The following CLCNKA variants were observed in gnomAD, a reference collection of about 807,000 sequenced individuals.
CLCNKA encodes chloride channel protein ClC-Ka.
A neutral mutation model predicts 83.3 loss-of-function variants in CLCNKA; 66 were observed. The ratio of observed to expected loss-of-function variants is 0.79; its 90% confidence interval spans 0.65 to 0.97. CLCNKA has a LOEUF of 0.97. Among genes scored for constraint, CLCNKA ranks in the 50% least tolerant of loss-of-function variants. The pLI is 0.00. For missense variants in CLCNKA, 806 were observed against 888.7 expected (o/e 0.91, Z 1.18); for synonymous variants, 357 against 370.4 (o/e 0.96, Z 0.42).
intron 10 of CLCNKA, 77 bp downstream of exon 10, chr1:16,028,196 C>T (rs567160606): frequency 2.2e-6 from 3 of 1,357,324 alleles, no homozygotes; most frequent in Admixed American, 3.5e-5. Flanking sequence ...AAAGCCCCAC[C>T]CCCATCCTCC....
intron 16 of CLCNKA, 53 bp from the exon 17 acceptor site, chr1:16,032,150 C>A: frequency 3.2e-6 from 5 of 1,539,810 alleles, no homozygotes; most frequent in Non-Finnish European, 3.6e-6. Context: ...GCTTGGCCCT[C>A]AGGCCTGTTT....
chr1:16,027,958 C>T, intron 9 of CLCNKA, 53 bp downstream of exon 9: 1 of 1,614,064 alleles, frequency 6.2e-7, no homozygotes, highest in South Asian at 1.1e-5. Flanking sequence ...CCCCCAAGGC[C>T]TGGACTGCGG....
At chr1:16,028,562 G>A in intron 10 of CLCNKA, 199 bp from the exon 11 acceptor site, 4 of 718,384 alleles carry the variant, frequency 5.6e-6, no homozygotes, top group Non-Finnish European at 1.0e-5. Flanking sequence ...GTCATACCCA[G>A]TTGAGGGGCT....
Position 16,033,157 on chromosome 1 carries a change from A to G in CLCNKA, c.1930-13A>G, listed in dbSNP as rs1395898327. ...ATCTACCCTCCAGTGTTTCCTAACA[A>G]TCCCCCATCCAGGCACAAAACCTCT... On this transcript the variant is annotated splice_polypyrimidine_tract_variant and intron_variant, in intron 18 of 19. Transcript: ENST00000331433. 1.9e-6 allele frequency: 3 copies of G among 1,613,706 alleles called. No individual in the cohort carries two copies. Among genetic ancestry groups the G allele is most frequent in the Non-Finnish European group, 2.5e-6 (3 of 1,179,780 alleles).
intron 11 of CLCNKA, 108 bp from the exon 12 acceptor site, chr1:16,029,018 G>A: frequency 1.9e-6 from 3 of 1,543,822 alleles, no homozygotes; most frequent in Non-Finnish European, 1.8e-6. Context: ...GCCCCCCGCT[G>A]GGAAGTGGCA....
In CLCNKA at chr1:16,028,781, T is replaced by A; in HGVS notation, c.989T>A (p.Leu330Gln). 6.2e-7 allele frequency: 1 copy of A among 1,614,160 alleles called. No homozygotes were observed. Among genetic ancestry groups the A allele is most frequent in the Non-Finnish European group, 8.5e-7 (1 of 1,180,024 alleles). Residue 330 changes from leucine to glutamine, a missense_variant, in exon 11 of 20, where the codon CTG (leucine) becomes CAG (glutamine). Transcript: ENST00000331433. ...LATSKPVYSA[L>Q]ATLLLASITY... is the part of the protein sequence containing the mutation. ...CACAGCAAGCCTGTGTACTCCGCTCTGGCCACCTTGCTTCTCGCCTCCATC... is the reference window on the plus strand; with the variant it reads ...CACAGCAAGCCTGTGTACTCCGCTCAGGCCACCTTGCTTCTCGCCTCCATC...
chr1:16,028,663 G>T, intron 10 of CLCNKA, 98 bp from the exon 11 acceptor site: 1 of 1,446,280 alleles, frequency 6.9e-7, no homozygotes, highest in Non-Finnish European at 9.7e-7. Flanking sequence ...CAGCCCCCAG[G>T]TGGGGAGCTC....
chr1:16,027,230 G>A (rs1306106775), intron 7 of CLCNKA, 80 bp from the exon 8 acceptor site: 2 of 1,587,036 alleles, frequency 1.3e-6, no homozygotes, highest in Non-Finnish European at 1.7e-6. Flanking sequence ...GGCTCAGGGA[G>A]GAGGCGAGAT....
At chr1:16,025,112 T>C (rs2022296882) in intron 4 of CLCNKA, among the ~76,000 whole-genome samples, 1 of 152,212 alleles carries the variant, frequency 6.6e-6, no homozygotes. Context: ...GATTGCCCTG[T>C]GGGGCCTGTG....
intron 14 of CLCNKA, 105 bp downstream of exon 14, chr1:16,030,180 C>G (rs1278531573): frequency 6.0e-6 from 5 of 828,056 alleles, no homozygotes; most frequent in Non-Finnish European, 9.9e-6. Flanking sequence ...ACTGAGTCCT[C>G]CAGTGAACCC....
At position 16,033,820 on chromosome 1, in the gene CLCNKA, C is replaced by T; in HGVS notation, c.*162C>T. On this transcript the variant is annotated 3_prime_UTR_variant, in exon 20 of 20. Coordinates refer to ENST00000331433, the MANE Select transcript of CLCNKA (RefSeq NM_004070.4). ...TAACCTAGCCCAGAAGAGGATGGCT[C>T]ATCCTGGGTGGGACGATGGCTCCTG... 1.3e-6 allele frequency: 1 copy of T among 769,216 alleles called. No homozygotes were observed. The highest frequency in any genetic ancestry group is 2.3e-6 in the Non-Finnish European group (1 of 439,958). 47.6% of individuals were successfully genotyped at this position (769,216 alleles called of 1,614,324 possible).
intron 15 of CLCNKA, 79 bp from the exon 16 acceptor site, chr1:16,031,631 A>G: frequency 6.2e-7 from 1 of 1,604,154 alleles, no homozygotes. Flanking sequence ...GTTCAAGCAA[A>G]GCTCCCCTCA....
intron 8 of CLCNKA, 93 bp downstream of exon 8, chr1:16,027,528 C>T (rs969268165): frequency 2.7e-5 from 43 of 1,564,630 alleles, no homozygotes; most frequent in Admixed American, 5.6e-5. Flanking sequence ...TTGCTCTTCC[C>T]TTCCCTCTCT....
chr1:16,025,282 C>G (rs1314942522), intron 4 of CLCNKA, among the ~76,000 whole-genome samples: 1 of 152,206 alleles, frequency 6.6e-6, no homozygotes, highest in Non-Finnish European at 1.5e-5. Flanking sequence ...TCTGCCAGTC[C>G]CAGTGGGAGG....
In CLCNKA at chr1:16,029,803, G is replaced by C; in HGVS notation, c.1297+3G>C. The C allele has an allele frequency of 6.2e-7, 1 of 1,614,150 alleles. No homozygotes were observed. The highest frequency in any genetic ancestry group is 2.2e-5 in the East Asian group (1 of 44,864). On this transcript the variant is annotated splice_donor_region_variant and intron_variant, in intron 13 of 19. Transcript: ENST00000331433. ...CTTCATGCCCATCTTTATCCTTGGT[G>C]AGTCTGGGGTCCTGAGGTTCTGAGA...
chr1:16,031,863 G>T lies in CLCNKA; in HGVS notation c.1756+20G>T. ...GCACAGGTGCCCAGCTGGAAGGGAG[G>T]AGGAAGTCGGGGGTAGGGGATGCCC... On this transcript the variant is annotated intron_variant, in intron 16 of 19. Transcript: ENST00000331433. 6.2e-7 allele frequency: 1 copy of T among 1,613,590 alleles called. No individual in the cohort carries two copies. Among genetic ancestry groups the T allele is most frequent in the Non-Finnish European group, 8.5e-7 (1 of 1,180,020 alleles).
chr1:16,028,142 G>T, intron 10 of CLCNKA, 23 bp downstream of exon 10: 1 of 1,607,510 alleles, frequency 6.2e-7, no homozygotes, highest in Non-Finnish European at 8.5e-7. Context: ...CTAGGGGCTG[G>T]GGACATCTCA....
intron 10 of CLCNKA, 76 bp downstream of exon 10, chr1:16,028,195 C>A: frequency 1.6e-5 from 22 of 1,352,160 alleles, no homozygotes; most frequent in Non-Finnish European, 2.1e-5. Flanking sequence ...GAAAGCCCCA[C>A]CCCCATCCTC....
chr1:16,023,839 G>A lies in CLCNKA; in HGVS notation c.140G>A (p.Gly47Glu), dbSNP rs545282688. The A allele has an allele frequency of 5.6e-6, 9 of 1,614,212 alleles. No individual in the cohort carries two copies. Among genetic ancestry groups the A allele is most frequent in the African/African-American group, 5.3e-5 (4 of 75,070 alleles). The change falls in exon 3 of 20, where the codon GGA becomes GAA. Residue 47 changes from glycine to glutamate, a missense_variant. Coordinates refer to ENST00000331433, the MANE Select transcript of CLCNKA (RefSeq NM_004070.4). The stretch of plus-strand genomic sequence containing the variant: ...CTAAAGCAGAAGGTGTTCCGCCTGG[G>A]AGAAGACTGGTACTTCCTGATGACC... ...EWLKQKVFRL[G>E]EDWYFLMTLG...
Sources: gnomAD v4.1 joint callset for allele counts (sites outside exome capture counted in the v4.1 genomes callset) on GRCh38, gnomAD v4.1.1 for gene constraint, MANE v1.5 for transcripts, NCBI Gene and HGNC (gene_info 2026-07-23, HGNC 2026-07-21) for gene names.